ANKRD11: variants seen among roughly 807,000 people sequenced by gnomAD.
ANKRD11 encodes ankyrin repeat domain-containing protein 11.
Under a neutral mutation model 195.7 loss-of-function variants are expected in ANKRD11, and 17 were observed. That is an observed-to-expected ratio of 0.09 (90% CI 0.06 to 0.13). The LOEUF is 0.13. ANKRD11 is among the 10% of genes least tolerant of loss of function. ANKRD11 has a pLI of 1.00. For missense variants in ANKRD11, 3,735 were observed against 3,566.1 expected (o/e 1.05, Z -1.21); for synonymous variants, 1,953 against 1,528.1 (o/e 1.28, Z -6.49).
intron 1 of ANKRD11, among the ~76,000 whole-genome samples, chr16:89,489,549 C>T (rs987795956): frequency 6.6e-6 from 1 of 151,696 alleles, no homozygotes; most frequent in African/African-American, 2.4e-5. Context: ...CCGAGAGCCG[C>T]CTGCTCTCAT....
intron 1 of ANKRD11, among the ~76,000 whole-genome samples, chr16:89,439,798 T>C: frequency 6.6e-6 from 1 of 152,222 alleles, no homozygotes; most frequent in African/African-American, 2.4e-5. Context: ...CTCAGAACTC[T>C]GTGGAACGTT....
chr16:89,347,472 G>A (rs954476854), intron 2 of ANKRD11, among the ~76,000 whole-genome samples: 28 of 152,198 alleles, frequency 1.8e-4, no homozygotes, highest in Middle Eastern at 6.8e-3. Context: ...TTAGCCGGGC[G>A]TGGTGGCAGG....
chr16:89,285,119 T>G lies in ANKRD11; in HGVS notation c.1423A>C (p.Lys475Gln). Residue 475 changes from lysine (K) to glutamine (Q), a missense_variant, in exon 9 of 13, where the codon AAG (lysine) becomes CAG (glutamine). By Grantham distance (53) the Lys-to-Gln change is moderately conservative. Transcript: ENST00000301030. This position sits in a 1 kb window ranked among gnomAD's most constrained non-coding sequence, Gnocchi z 5.6. ...CTCTCCGACTCCGAGGAGCAGAACT[T>G]GTCGCTCCGCTTTCCGAAGCGAACC... is the stretch of plus-strand genomic sequence containing the variant. Reference protein sequence around the residue: ...REVRFGKRSDKFCSSESESES... With the variant: ...REVRFGKRSDQFCSSESESES... The G allele has an allele frequency of 6.2e-7, 1 of 1,613,722 alleles. No individual in the cohort carries two copies. Among genetic ancestry groups the G allele is most frequent in the Non-Finnish European group, 8.5e-7 (1 of 1,180,044 alleles).
At chr16:89,487,126 C>T (rs2057643858) in intron 1 of ANKRD11, among the ~76,000 whole-genome samples, 1 of 152,066 alleles carries the variant, frequency 6.6e-6, no homozygotes, top group Non-Finnish European at 1.5e-5. Context: ...TAAAGTTTAT[C>T]AAACGGGCCA....
rs746069380 is a variant in ANKRD11, at chr16:89,279,036, A to G, written c.7470+36T>C. 1.2e-6 allele frequency: 2 copies of G among 1,612,216 alleles called. No homozygotes were observed. Among genetic ancestry groups the G allele is most frequent in the South Asian group, 1.1e-5 (1 of 90,828 alleles). ...TAGGGGCCCCAGACGCATCCCAGAGAGAGAAGGCAGTGGCTCTCCCGGGCC... is the reference window on the plus strand; with the variant it reads ...TAGGGGCCCCAGACGCATCCCAGAGGGAGAAGGCAGTGGCTCTCCCGGGCC... On this transcript the variant is annotated intron_variant, in intron 9 of 12. Coordinates refer to ENST00000301030, the MANE Select transcript of ANKRD11 (RefSeq NM_013275.6). This position sits in a 1 kb window ranked among gnomAD's most constrained non-coding sequence, Gnocchi z 5.6.
chr16:89,384,888 T>G (rs1177658408), intron 2 of ANKRD11, among the ~76,000 whole-genome samples: 8 of 117,540 alleles, frequency 6.8e-5, no homozygotes, highest in African/African-American at 2.3e-4. Flanking sequence ...TCTTTTTTTT[T>G]TTTTTTTTTT....
At chr16:89,425,002 C>T (rs978340059) in intron 1 of ANKRD11, among the ~76,000 whole-genome samples, 3 of 151,222 alleles carry the variant, frequency 2.0e-5, no homozygotes, top group East Asian at 1.9e-4. Flanking sequence ...TGTTACCATT[C>T]GAAGAGAGGA....
In ANKRD11 at chr16:89,326,536, A is replaced by C. The variant is rs142532831; in HGVS notation, c.-59-9458T>G. 4.4e-3 allele frequency among the ~76,000 whole-genome samples: 667 copies of C among 152,262 alleles called. 6 individuals carry two copies. The highest frequency in any genetic ancestry group is 0.016 in the African/African-American group (647 of 41,530). On this transcript the variant is annotated intron_variant, in intron 2 of 12. Coordinates refer to ENST00000301030, the MANE Select transcript of ANKRD11 (RefSeq NM_013275.6). The stretch of plus-strand genomic sequence containing the variant: ...AAGGCAGGGGGGTCATTTGGGCCCA[A>C]GAGTTTGAGACCCGGGCAATGTAGG...
intron 2 of ANKRD11, among the ~76,000 whole-genome samples, chr16:89,394,817 A>G (rs980970474): frequency 1.3e-5 from 2 of 152,006 alleles, no homozygotes; most frequent in Admixed American, 1.3e-4. Context: ...TACACACATG[A>G]GGTTATTGAG....
chr16:89,413,186 A>G, intron 2 of ANKRD11, among the ~76,000 whole-genome samples: 1 of 152,258 alleles, frequency 6.6e-6, no homozygotes, highest in Middle Eastern at 3.2e-3. Flanking sequence ...GCCTAGCCAC[A>G]GATAATTCCT....
At chr16:89,457,724 A>G (rs950902403) in intron 1 of ANKRD11, among the ~76,000 whole-genome samples, 3 of 152,096 alleles carry the variant, frequency 2.0e-5, no homozygotes. Context: ...TTCTGCGGTG[A>G]TGGAAATGTC....
At chr16:89,272,519 T>A (rs2033253088) in intron 11 of ANKRD11, 1 of 152,128 alleles carries the variant, frequency 6.6e-6, no homozygotes. Flanking sequence ...CTTGCCAACA[T>A]GGTGAAACCC....
At chr16:89,396,873 G>A (rs1164527448) in intron 2 of ANKRD11, among the ~76,000 whole-genome samples, 2 of 152,168 alleles carry the variant, frequency 1.3e-5, no homozygotes, top group South Asian at 2.1e-4. Flanking sequence ...TTTTAGTAAA[G>A]ACGGGGTTTC....
intron 2 of ANKRD11, among the ~76,000 whole-genome samples, chr16:89,338,424 TAAA>T (rs397854933): frequency 2.0e-4 from 26 of 126,978 alleles, no homozygotes; most frequent in East Asian, 2.2e-4. Context: ...TACACTCTGT[TAAA>T]AAAAAAAAAA....
chr16:89,317,921 G>A (rs1445778135), intron 2 of ANKRD11, among the ~76,000 whole-genome samples: 2 of 152,222 alleles, frequency 1.3e-5, no homozygotes, highest in South Asian at 4.2e-4. Context: ...CCCAGGCCAA[G>A]CCCTGCCTGA....
At position 89,362,174 on chromosome 16, in the gene ANKRD11, T is replaced by C. The variant is rs79847901; in HGVS notation, c.-59-45096A>G. Among the ~76,000 whole-genome samples, 539 of 152,364 alleles carry C rather than the reference T, an allele frequency of 3.5e-3. 3 individuals carry two copies. The highest frequency in any genetic ancestry group is 0.012 in the African/African-American group (514 of 41,584). On this transcript the variant is annotated intron_variant, in intron 2 of 12. Transcript: ENST00000301030. ...TGAGTGGATTAGGGGATTTTTGTTT[T>C]ATTCTTCTGAAATACCAACTGCCTT... is the stretch of plus-strand genomic sequence containing the variant.
rs184293230 is a variant in ANKRD11 at position 89,389,461 on chromosome 16, A to G, written c.-60+28823T>C. ...AAAAGCTACCCAGAATTGACACAGA[A>G]GGCAAAATTAGTAGATGGAGACATG... is the stretch of plus-strand genomic sequence containing the variant. On this transcript the variant is annotated intron_variant, in intron 2 of 12. Coordinates refer to ENST00000301030, the MANE Select transcript of ANKRD11 (RefSeq NM_013275.6). Among the ~76,000 whole-genome samples the G allele has an allele frequency of 2.0e-5, 3 of 152,348 alleles. No homozygotes were observed. In the East Asian group the frequency reaches 5.8e-4, roughly 29 times the overall value.
rs778565577 is a variant in ANKRD11 at position 89,285,212 on chromosome 16, T to C, written c.1330A>G (p.Asn444Asp). 1.2e-6 allele frequency: 2 copies of C among 1,613,824 alleles called. No individual in the cohort carries two copies. Among genetic ancestry groups the C allele is most frequent in the Non-Finnish European group, 1.7e-6 (2 of 1,180,030 alleles). The change falls in exon 9 of 13, where the codon AAT becomes GAT. Residue 444 changes from asparagine (N) to aspartate (D), a missense_variant. Physicochemically the swap from Asn to Asp is conservative, Grantham distance 23. Transcript: ENST00000301030. This position sits in a 1 kb window ranked among gnomAD's most constrained non-coding sequence, Gnocchi z 5.6. ...TTTTTTTCCTTCTGCTGCTTGGCAT[T>C]AGAAGGCTCTCGTGTCTTACTACCA... ...LPGSKTREPS[N>D]AKQQKEKNKV...
At chr16:89,370,228 G>A (rs1296295766) in intron 2 of ANKRD11, among the ~76,000 whole-genome samples, 1 of 152,236 alleles carries the variant, frequency 6.6e-6, no homozygotes, top group East Asian at 1.9e-4. Context: ...CAGGCGAGGG[G>A]AGCCCATGTC....
Sources: gnomAD v4.1 joint callset for allele counts (sites outside exome capture counted in the v4.1 genomes callset) on GRCh38, gnomAD v4.1.1 for gene constraint, Gnocchi (gnomAD v3.1) non-coding constraint, MANE v1.5 for transcripts, NCBI Gene and HGNC (gene_info 2026-07-23, HGNC 2026-07-21) for gene names.